The following DNAJC6 variants were observed in gnomAD, a reference collection of about 807,000 sequenced individuals.
DNAJC6 encodes auxilin.
A neutral mutation model predicts 110.0 loss-of-function variants in DNAJC6; 34 were observed. The ratio of observed to expected loss-of-function variants is 0.31; its 90% CI spans 0.24 to 0.41. The LOEUF (loss-of-function observed/expected upper bound fraction) is 0.41, where lower values mean the gene tolerates loss of function less well. Ranked by LOEUF, DNAJC6 falls within the 10% of genes least tolerant of loss-of-function variation. The probability of loss-of-function intolerance (pLI) is 1.00; values close to 1 mark genes in which losing one functional copy is unlikely to be tolerated. For missense variants in DNAJC6, 1,031 were observed against 1,207.8 expected (o/e 0.85, Z 2.17); for synonymous variants, 406 against 437.2 (o/e 0.93, Z 0.89).
chr1:65,312,956 C>T (rs1359605637), intron 1 of DNAJC6, among the ~76,000 whole-genome samples: 1 of 152,040 alleles, frequency 6.6e-6, no homozygotes, highest in Non-Finnish European at 1.5e-5. Context: ...TGCACCACCA[C>T]ACCCGGCTAA....
chr1:65,302,604 C>T (rs1325290130), intron 1 of DNAJC6, among the ~76,000 whole-genome samples: 2 of 142,724 alleles, frequency 1.4e-5, no homozygotes, highest in East Asian at 2.1e-4. Flanking sequence ...GGCGCAATCT[C>T]GGCTCACTGC....
intron 14 of DNAJC6, among the ~76,000 whole-genome samples, chr1:65,400,237 A>C (rs143146307): frequency 6.6e-6 from 1 of 152,216 alleles, no homozygotes; most frequent in Non-Finnish European, 1.5e-5. Context: ...GTCGTGTACA[A>C]TATGATGTTT....
At chr1:65,272,670 G>C (rs1653542872) in intron 1 of DNAJC6, among the ~76,000 whole-genome samples, 1 of 147,934 alleles carries the variant, frequency 6.8e-6, no homozygotes, top group Admixed American at 7.0e-5. Flanking sequence ...TTTGTTCTTG[G>C]AAGGTTTTAA....
chr1:65,344,209 C>T (rs1345749536), intron 1 of DNAJC6, among the ~76,000 whole-genome samples: 1 of 152,184 alleles, frequency 6.6e-6, no homozygotes, highest in East Asian at 1.9e-4. Context: ...ACAGCTCTTT[C>T]CTCCCTCCAG....
rs371076477 is a variant in DNAJC6, at chr1:65,409,306, C to T, written c.2634+523C>T. On this transcript the variant is annotated intron_variant, in intron 17 of 18. Coordinates refer to ENST00000371069, the MANE Select transcript of DNAJC6 (RefSeq NM_001256864.2). ...GCCACTCTATTTCATTTGGTCTTTGCAGCTGTGATTTGAGTACAGCTGTGC... is the reference window on the plus strand; with the variant it reads ...GCCACTCTATTTCATTTGGTCTTTGTAGCTGTGATTTGAGTACAGCTGTGC... 3.3e-5 allele frequency among the ~76,000 whole-genome samples: 5 copies of T among 152,174 alleles called. No individual in the cohort carries two copies. In the South Asian group the frequency reaches 1.0e-3, roughly 32 times the overall value.
intron 4 of DNAJC6, among the ~76,000 whole-genome samples, chr1:65,366,741 A>G (rs147333246): frequency 9.9e-5 from 15 of 152,262 alleles, no homozygotes; most frequent in African/African-American, 3.4e-4. Flanking sequence ...TGGCCACTGA[A>G]TTCTGACTTA....
intron 1 of DNAJC6, among the ~76,000 whole-genome samples, chr1:65,287,615 T>G (rs1201695136): frequency 6.6e-6 from 1 of 152,176 alleles, no homozygotes; most frequent in Non-Finnish European, 1.5e-5. Flanking sequence ...TTTATTTATT[T>G]TTTTGAGGCA....
intron 1 of DNAJC6, among the ~76,000 whole-genome samples, chr1:65,303,288 C>T (rs1434543172): frequency 6.6e-6 from 1 of 152,124 alleles, no homozygotes; most frequent in African/African-American, 2.4e-5. Context: ...CAGAGTTGCT[C>T]AAAATACGTG....
At chr1:65,371,353 T>A (rs1645703832) in intron 4 of DNAJC6, among the ~76,000 whole-genome samples, 1 of 152,182 alleles carries the variant, frequency 6.6e-6, no homozygotes, top group Non-Finnish European at 1.5e-5. Context: ...AAAATGGATA[T>A]GCCAATAAGA....
intron 12 of DNAJC6, 34 bp downstream of exon 12, chr1:65,392,899 ATTTGAATTCTAACC>A: frequency 6.9e-7 from 1 of 1,446,654 alleles, no homozygotes; most frequent in Non-Finnish European, 9.1e-7. Flanking sequence ...TGCCTCTCAG[ATTTGAATTCTAACC>A]TTTGGGCCAA....
intron 1 of DNAJC6, among the ~76,000 whole-genome samples, chr1:65,360,994 T>C (rs1347099706): frequency 6.6e-6 from 1 of 152,100 alleles, no homozygotes; most frequent in Non-Finnish European, 1.5e-5. Flanking sequence ...TTGATTATAG[T>C]TGTTGGAATC....
In DNAJC6 at chr1:65,415,229, GTGAT is replaced by G. The variant is rs1259958080; in HGVS notation, c.*2207_*2210del. ...TTTTGTAAATATGTTACAACAAAAT[GTGAT>G]TGGTCTAAAATATTTGTAATGTATA... On this transcript the variant is annotated 3_prime_UTR_variant, in exon 19 of 19. Coordinates refer to ENST00000371069, the MANE Select transcript of DNAJC6 (RefSeq NM_001256864.2). The G allele has an allele frequency of 1.3e-5, 2 of 152,128 alleles. No homozygotes were observed. Among genetic ancestry groups the G allele is most frequent in the Admixed American group, 1.3e-4 (2 of 15,278 alleles). The allele number at this position is 152,128 out of a possible 1,614,324, so 9.4% of individuals were successfully genotyped here.
At chr1:65,387,042 A>C in intron 8 of DNAJC6, 113 bp downstream of exon 8, 4 of 891,094 alleles carry the variant, frequency 4.5e-6, no homozygotes, top group Non-Finnish European at 7.3e-6. Context: ...TTTTAGAATG[A>C]AAAAGAGCGT....
chr1:65,334,645 G>T (rs940545348), intron 1 of DNAJC6, among the ~76,000 whole-genome samples: 3 of 152,196 alleles, frequency 2.0e-5, no homozygotes, highest in South Asian at 2.1e-4. Flanking sequence ...GATTGGAGGG[G>T]TCCAAAGCTG....
chr1:65,389,657 G>A (rs759463088), intron 11 of DNAJC6, 30 bp downstream of exon 11: 1 of 1,605,284 alleles, frequency 6.2e-7, no homozygotes. Flanking sequence ...TAAGTCACAT[G>A]GTTTGATGAT....
chr1:65,378,279 C>CCTTCTTAAATATACTCCCAG (rs71058407), intron 4 of DNAJC6, among the ~76,000 whole-genome samples: 1 of 151,918 alleles, frequency 6.6e-6, no homozygotes, highest in African/African-American at 2.4e-5. Context: ...GAGTCATTCT[C>CCTTCTTAAATATACTCCCAG]CTCCTTAACA....
intron 4 of DNAJC6, among the ~76,000 whole-genome samples, chr1:65,371,132 T>G (rs1017216963): frequency 1.6e-4 from 25 of 152,342 alleles, no homozygotes; most frequent in Admixed American, 6.5e-5. Flanking sequence ...CTGTAACCAC[T>G]CTACAAATGC....
intron 1 of DNAJC6, among the ~76,000 whole-genome samples, chr1:65,336,014 G>T (rs1004052277): frequency 2.0e-5 from 3 of 152,116 alleles, no homozygotes; most frequent in African/African-American, 7.2e-5. Context: ...ATACCTCTTT[G>T]TATGTGGTAA....
At chr1:65,324,994 C>T (rs1645229379) in intron 1 of DNAJC6, among the ~76,000 whole-genome samples, 1 of 152,194 alleles carries the variant, frequency 6.6e-6, no homozygotes, top group Non-Finnish European at 1.5e-5. Context: ...TCTATGGACT[C>T]ATCAAGCTAA....
Sources: allele counts gnomAD v4.1 joint callset (sites outside exome capture counted in the v4.1 genomes callset), GRCh38; gene constraint gnomAD v4.1.1; transcripts MANE v1.5; gene names NCBI Gene and HGNC (gene_info 2026-07-23, HGNC 2026-07-21).